The following CNTNAP5 variants were observed in gnomAD, a reference collection of about 807,000 sequenced individuals.
CNTNAP5 encodes contactin associated protein family member 5, also known as contactin-associated protein-like 5.
In CNTNAP5, 72 loss-of-function variants were observed where a neutral mutation model predicts 150.2. The observed-to-expected ratio is 0.48, with a 90% CI of 0.40 to 0.58. CNTNAP5 has a LOEUF of 0.58. CNTNAP5 is among the 20% of genes least tolerant of loss of function. CNTNAP5 has a pLI of 0.00. For synonymous variants in CNTNAP5, 672 were observed against 619.8 expected (o/e 1.08, Z -1.25); for missense variants, 1,636 against 1,626.2 (o/e 1.01, Z -0.10).
chr2:124,125,324 A>T (rs528581032), intron 1 of CNTNAP5, among the ~76,000 whole-genome samples: 5 of 152,336 alleles, frequency 3.3e-5, no homozygotes, highest in Admixed American at 6.5e-5. Context: ...GAAGGCCATT[A>T]CATAATGGTA....
chr2:124,447,229 T>G (rs1692844586), intron 6 of CNTNAP5, among the ~76,000 whole-genome samples: 1 of 151,932 alleles, frequency 6.6e-6, no homozygotes, highest in Admixed American at 6.6e-5. Context: ...TCTGTGCTGC[T>G]GCCTAGTCTA....
chr2:124,169,908 G>A (rs953645153), intron 1 of CNTNAP5, among the ~76,000 whole-genome samples: 13 of 152,170 alleles, frequency 8.5e-5, no homozygotes, highest in African/African-American at 2.9e-4. Context: ...CATAATGCGA[G>A]GGTAGCCTTC....
chr2:124,676,698 G>T (rs1678946411), intron 13 of CNTNAP5, among the ~76,000 whole-genome samples: 1 of 152,204 alleles, frequency 6.6e-6, no homozygotes, highest in Non-Finnish European at 1.5e-5. Context: ...TTGTGAGGGT[G>T]TTGGTTTTCG....
At position 124,297,147 on chromosome 2, in the gene CNTNAP5, C is replaced by G. The variant is rs145187662; in HGVS notation, c.381+54754C>G. ...CTTCCTATCCACAGAAAGTTAGAGC[C>G]ACAAGGAATATTTTAAGCACCAAAT... is the stretch of plus-strand genomic sequence containing the variant. On this transcript the variant is annotated intron_variant, in intron 3 of 23. Transcript: ENST00000682447. Among the ~76,000 whole-genome samples, 8 of 152,274 alleles carry G rather than the reference C, an allele frequency of 5.3e-5. No individual in the cohort carries two copies. In the East Asian group the frequency reaches 1.5e-3, roughly 29 times the overall value.
intron 3 of CNTNAP5, among the ~76,000 whole-genome samples, chr2:124,309,434 T>C (rs959990601): frequency 2.0e-5 from 3 of 152,224 alleles, no homozygotes; most frequent in African/African-American, 7.2e-5. Flanking sequence ...GGAGTGAGAT[T>C]GTTTGATGCC....
At chr2:124,895,234 C>T (rs1378071522) in intron 21 of CNTNAP5, among the ~76,000 whole-genome samples, 1 of 151,478 alleles carries the variant, frequency 6.6e-6, no homozygotes, top group Non-Finnish European at 1.5e-5. Flanking sequence ...TATAAGAAGA[C>T]TCATGGAAGA....
intron 3 of CNTNAP5, among the ~76,000 whole-genome samples, chr2:124,387,676 G>A (rs1017246151): frequency 5.3e-5 from 8 of 152,092 alleles, no homozygotes; most frequent in Non-Finnish European, 2.9e-5. Flanking sequence ...TTAGGGTGGG[G>A]CAGGAACAAA....
intron 21 of CNTNAP5, among the ~76,000 whole-genome samples, chr2:124,893,348 C>T (rs986188985): frequency 6.6e-6 from 1 of 152,068 alleles, no homozygotes; most frequent in Non-Finnish European, 1.5e-5. Flanking sequence ...AAATATTATG[C>T]AAACAGTCTT....
At chr2:124,384,458 G>A (rs899596892) in intron 3 of CNTNAP5, among the ~76,000 whole-genome samples, 18 of 152,154 alleles carry the variant, frequency 1.2e-4, no homozygotes, top group African/African-American at 4.3e-4. Context: ...GAAAGGAGGT[G>A]TATTTTGGAC....
intron 3 of CNTNAP5, among the ~76,000 whole-genome samples, chr2:124,318,614 G>C (rs886954820): frequency 6.6e-6 from 1 of 152,200 alleles, no homozygotes; most frequent in South Asian, 2.1e-4. Context: ...ACAGCACTTA[G>C]AGTTTCCCTT....
At chr2:124,452,704 T>G (rs1161592288) in intron 6 of CNTNAP5, among the ~76,000 whole-genome samples, 1 of 152,104 alleles carries the variant, frequency 6.6e-6, no homozygotes, top group Non-Finnish European at 1.5e-5. Context: ...CCCACAGTTC[T>G]GTGTAGTCAA....
intron 5 of CNTNAP5, among the ~76,000 whole-genome samples, chr2:124,445,744 A>C (rs932407437): frequency 9.2e-5 from 14 of 152,352 alleles, no homozygotes; most frequent in Admixed American, 8.5e-4. Flanking sequence ...ACTTCCCAAG[A>C]GGGAGGAGAC....
intron 3 of CNTNAP5, among the ~76,000 whole-genome samples, chr2:124,271,896 GTAGAGA>G (rs2104613954): frequency 6.6e-6 from 1 of 152,098 alleles, no homozygotes; most frequent in East Asian, 1.9e-4. Flanking sequence ...TGTGTTTTTA[GTAGAGA>G]TAGGGTTTCA....
chr2:124,324,179 G>A (rs573948586), intron 3 of CNTNAP5, among the ~76,000 whole-genome samples: 1 of 152,216 alleles, frequency 6.6e-6, no homozygotes, highest in Admixed American at 6.5e-5. Context: ...TAGTTCCTAG[G>A]GAACCACTGA....
intron 12 of CNTNAP5, among the ~76,000 whole-genome samples, chr2:124,619,897 A>G (rs1175102867): frequency 2.1e-4 from 21 of 99,950 alleles, no homozygotes; most frequent in Admixed American, 1.8e-3. Flanking sequence ...TCCTTCTCTC[A>G]CTGTCTCATT....
At chr2:124,341,115 G>T (rs912791247) in intron 3 of CNTNAP5, among the ~76,000 whole-genome samples, 1 of 151,508 alleles carries the variant, frequency 6.6e-6, no homozygotes, top group African/African-American at 2.4e-5. Flanking sequence ...AGTCTGTCTG[G>T]TGTGTCTCAC....
intron 1 of CNTNAP5, among the ~76,000 whole-genome samples, chr2:124,141,965 A>G (rs1684121691): frequency 7.7e-6 from 1 of 129,714 alleles, no homozygotes. Flanking sequence ...CAAATGGAAA[A>G]CAAAAAAAGG....
chr2:124,485,996 A>G, intron 7 of CNTNAP5, among the ~76,000 whole-genome samples: 1 of 152,190 alleles, frequency 6.6e-6, no homozygotes, highest in Non-Finnish European at 1.5e-5. Flanking sequence ...AGAGAAAGAC[A>G]CTTGGACTTG....
At chr2:124,218,298 G>A (rs992552659) in intron 1 of CNTNAP5, among the ~76,000 whole-genome samples, 2 of 152,038 alleles carry the variant, frequency 1.3e-5, no homozygotes, top group Admixed American at 6.6e-5. Context: ...TTCCATTCCC[G>A]TTTACTAGGC....
Sources: gnomAD v4.1 joint callset for allele counts (sites outside exome capture counted in the v4.1 genomes callset) on GRCh38, gnomAD v4.1.1 for gene constraint, MANE v1.5 for transcripts, NCBI Gene and HGNC (gene_info 2026-07-23, HGNC 2026-07-21) for gene names.